ATP2B4: variants seen among roughly 807,000 people sequenced by gnomAD.
The protein encoded by ATP2B4 is ATPase plasma membrane Ca2+ transporting 4, also known as plasma membrane calcium-transporting ATPase 4.
In ATP2B4, 39 loss-of-function variants were observed where a neutral mutation model predicts 110.3. The observed-to-expected ratio is 0.35, with a 90% CI of 0.27 to 0.46. The LOEUF (loss-of-function observed/expected upper bound fraction) is 0.46. Among genes scored for constraint, ATP2B4 ranks in the 20% least tolerant of loss-of-function variants. The probability of loss-of-function intolerance (pLI) is 1.00; values close to 1 mark genes in which losing one functional copy is unlikely to be tolerated. For synonymous variants in ATP2B4, 538 were observed against 571.7 expected (o/e 0.94, Z 0.84); for missense variants, 1,135 against 1,530.9 (o/e 0.74, Z 4.32).
At position 203,680,621 on chromosome 1, in the gene ATP2B4, A is replaced by AG. The variant is rs111419616; in HGVS notation, c.-464-2121_-464-2120insG. ...GAGACTCCGTCTCAAAAAAAAAAGA[A>AG]AAAAAAGATCAAATTAGGCTTTCTC... On this transcript the variant is annotated intron_variant, in intron 1 of 20. Coordinates refer to ENST00000357681, the MANE Select transcript of ATP2B4 (RefSeq NM_001684.5). Among the ~76,000 whole-genome samples, 12 of 145,190 alleles carry AG rather than the reference A, an allele frequency of 8.3e-5. 2 individuals are homozygous for AG. The highest frequency in any genetic ancestry group is 1.0e-4 in the African/African-American group (4 of 39,424).
intron 8 of ATP2B4, among the ~76,000 whole-genome samples, chr1:203,706,647 G>A (rs983427467): frequency 6.6e-6 from 1 of 152,104 alleles, no homozygotes; most frequent in African/African-American, 2.4e-5. Context: ...GCAGGGAGAG[G>A]GTGGGCGTGG....
chr1:203,648,590 C>G (rs963514831), intron 1 of ATP2B4, among the ~76,000 whole-genome samples: 1 of 152,200 alleles, frequency 6.6e-6, no homozygotes, highest in Non-Finnish European at 1.5e-5. Flanking sequence ...ATGACAGATA[C>G]AGGCTTGTCC....
intron 2 of ATP2B4, among the ~76,000 whole-genome samples, chr1:203,684,755 A>G (rs1665130628): frequency 6.6e-6 from 1 of 152,032 alleles, no homozygotes; most frequent in African/African-American, 2.4e-5. Flanking sequence ...TGGATCACTC[A>G]CTGTTTTGTG....
At position 203,660,849 on chromosome 1, in the gene ATP2B4, G is replaced by A. The variant is rs371927263; in HGVS notation, c.-464-21893G>A. On this transcript the variant is annotated intron_variant, in intron 1 of 20. Coordinates refer to ENST00000357681, the MANE Select transcript of ATP2B4 (RefSeq NM_001684.5). ...ACAGGGACTGGGCACGGTGGCTCAT[G>A]CCTGTAGTCCCAGCACTTTGGGAGG... Among the ~76,000 whole-genome samples, 8 of 152,052 alleles carry A rather than the reference G, an allele frequency of 5.3e-5. 2 individuals are homozygous for A. Among genetic ancestry groups the A allele is most frequent in the Admixed American group, 3.3e-4 (5 of 15,250 alleles).
intron 2 of ATP2B4, among the ~76,000 whole-genome samples, chr1:203,697,058 A>G (rs1665554795): frequency 6.6e-6 from 1 of 151,866 alleles, no homozygotes. Flanking sequence ...GAGTAGTAGT[A>G]CTTCCCTTAG....
At chr1:203,723,816 G>C in intron 18 of ATP2B4, 65 bp from the exon 19 acceptor site, 1 of 1,361,724 alleles carries the variant, frequency 7.3e-7, no homozygotes, top group Non-Finnish European at 1.0e-6. Context: ...TGGGGGCCTT[G>C]GCTGGAGGGC....
intron 12 of ATP2B4, among the ~76,000 whole-genome samples, chr1:203,711,507 C>T (rs996807269): frequency 8.5e-5 from 13 of 152,154 alleles, no homozygotes; most frequent in Middle Eastern, 3.4e-3. Flanking sequence ...GACAGATGGA[C>T]TATTAATTCT....
In ATP2B4 at chr1:203,683,280, A is replaced by G. The variant is rs747258267; in HGVS notation, c.75A>G (p.Thr25=). The G allele has an allele frequency of 3.7e-6, 6 of 1,614,220 alleles. No homozygotes were observed. Among genetic ancestry groups the G allele is most frequent in the Non-Finnish European group, 5.1e-6 (6 of 1,180,032 alleles). The change falls in exon 2 of 21, where the codon ACA becomes ACG. Residue 25 remains threonine (T), a synonymous_variant. Coordinates refer to ENST00000357681, the MANE Select transcript of ATP2B4 (RefSeq NM_001684.5). Reference sequence around the variant, plus strand: ...GCCGTGAAGGGGACTTTGGCTGCACAGTAATGGAACTGAGGAAGCTCATGG... The same window carrying G: ...GCCGTGAAGGGGACTTTGGCTGCACGGTAATGGAACTGAGGAAGCTCATGG... ...AESREGDFGC[T]VMELRKLMEL...
chr1:203,690,285 A>C (rs1665327357), intron 2 of ATP2B4, among the ~76,000 whole-genome samples: 1 of 152,184 alleles, frequency 6.6e-6, no homozygotes, highest in Non-Finnish European at 1.5e-5. Flanking sequence ...TCCTCGGTGT[A>C]GCAGATTGAA....
chr1:203,679,835 T>C lies in ATP2B4; in HGVS notation c.-464-2907T>C, dbSNP rs113699176. Among the ~76,000 whole-genome samples the C allele has an allele frequency of 4.6e-3, 692 of 151,950 alleles. 1 individual carries two copies. The highest frequency in any genetic ancestry group is 7.5e-3 in the Non-Finnish European group (508 of 67,952). ...AGGCAGAGGTTGCAATGAGCTGAGA[T>C]TGCGCCACTGCACTCCAGCCTGGCA... On this transcript the variant is annotated intron_variant, in intron 1 of 20. Transcript: ENST00000357681.
chr1:203,720,781 CAG>C, intron 16 of ATP2B4, 41 bp downstream of exon 16: 1 of 1,579,044 alleles, frequency 6.3e-7, no homozygotes, highest in Non-Finnish European at 8.6e-7. Flanking sequence ...AGGGATGAGT[CAG>C]GGGCTAAGGA....
intron 1 of ATP2B4, among the ~76,000 whole-genome samples, chr1:203,663,496 G>A (rs917271073): frequency 6.6e-6 from 1 of 152,118 alleles, no homozygotes; most frequent in African/African-American, 2.4e-5. Flanking sequence ...CTGAGAGGAA[G>A]TAGGAGAACC....
intron 2 of ATP2B4, among the ~76,000 whole-genome samples, chr1:203,694,945 G>A (rs922016062): frequency 3.3e-5 from 5 of 152,136 alleles, no homozygotes; most frequent in African/African-American, 1.2e-4. Context: ...TAGGAGATGG[G>A]GGCTGGGCAT....
At chr1:203,717,754 G>A (rs1666201998) in intron 15 of ATP2B4, among the ~76,000 whole-genome samples, 1 of 151,894 alleles carries the variant, frequency 6.6e-6, no homozygotes, top group South Asian at 2.1e-4. Flanking sequence ...CAATTCTCCT[G>A]CCTCAGCCTC....
chr1:203,667,205 G>C (rs1209743487), intron 1 of ATP2B4, among the ~76,000 whole-genome samples: 1 of 152,166 alleles, frequency 6.6e-6, no homozygotes, highest in Non-Finnish European at 1.5e-5. Flanking sequence ...GCCCACCTCA[G>C]CCTCCCACAA....
intron 1 of ATP2B4, among the ~76,000 whole-genome samples, chr1:203,645,163 A>C (rs1201258746): frequency 1.3e-5 from 2 of 152,196 alleles, no homozygotes; most frequent in Non-Finnish European, 2.9e-5. Flanking sequence ...CTAGTGCTAT[A>C]AACAGTTGTG....
chr1:203,628,473 G>C (rs905425218), intron 1 of ATP2B4, among the ~76,000 whole-genome samples: 1 of 152,182 alleles, frequency 6.6e-6, no homozygotes, highest in Non-Finnish European at 1.5e-5. Context: ...TGCTGGCCGG[G>C]CAGGGGGAAT....
At chr1:203,640,179 C>T (rs1277883669) in intron 1 of ATP2B4, among the ~76,000 whole-genome samples, 1 of 152,122 alleles carries the variant, frequency 6.6e-6, no homozygotes, top group Non-Finnish European at 1.5e-5. Flanking sequence ...TTCCTATTCC[C>T]CACTCTTCAT....
At chr1:203,657,906 G>A (rs113612076) in intron 1 of ATP2B4, 12,763 of 264,026 alleles carry the variant, frequency 0.048, 665 homozygotes, top group East Asian at 0.18. Context: ...GTTTCACCAT[G>A]TTGGCCAGGC....
Sources: gnomAD v4.1 joint callset for allele counts (sites outside exome capture counted in the v4.1 genomes callset) on GRCh38, gnomAD v4.1.1 for gene constraint, MANE v1.5 for transcripts, NCBI Gene and HGNC (gene_info 2026-07-23, HGNC 2026-07-21) for gene names.